SOAT2: variants seen among roughly 807,000 people sequenced by gnomAD.
SOAT2 encodes ACAT-2.
Under a neutral mutation model 76.0 loss-of-function variants are expected in SOAT2, and 87 were observed. The observed-to-expected ratio is 1.14, with a 90% confidence interval of 0.96 to 1.37. The LOEUF (loss-of-function observed/expected upper bound fraction) is 1.37, where lower values mean the gene tolerates loss of function less well. Among genes scored for constraint, SOAT2 ranks in the 40% most tolerant of loss-of-function variants. SOAT2 has a pLI of 0.00. For synonymous variants in SOAT2, 285 were observed against 275.4 expected, an observed-to-expected ratio of 1.03 and a Z score of -0.34; for missense variants, 686 against 682.1, an observed-to-expected ratio of 1.01 and a Z score of -0.06.
At chr12:53,110,386 C>A (rs1937994636) in intron 5 of SOAT2, among the ~76,000 whole-genome samples, 1 of 152,160 alleles carries the variant, frequency 6.6e-6, no homozygotes. Flanking sequence ...GTAAAGCAGG[C>A]AAGTTGTACA....
Position 53,103,636 on chromosome 12 carries a change from G to T in SOAT2, c.59G>T (p.Arg20Leu). Residue 20 changes from arginine (R) to leucine (L), a missense_variant, in exon 1 of 15, where the codon CGG becomes CTG. Arg to Leu is a moderately radical substitution (Grantham distance 102, BLOSUM62 -2). Transcript: ENST00000301466. ...AGGACAGAAGGGCTGGGAGGGGAGC[G>T]GGAGCGCCAACCCTGTGGAGATGGT... ...LQRTEGLGGE[R>L]ERQPCGDGNT... is the part of the protein sequence containing the mutation. 2 of 1,541,976 alleles carry T rather than the reference G, an allele frequency of 1.3e-6. No individual in the cohort carries two copies. Among genetic ancestry groups the T allele is most frequent in the Non-Finnish European group, 8.7e-7 (1 of 1,144,892 alleles).
chr12:53,104,308 T>G, intron 2 of SOAT2, 102 bp downstream of exon 2: 1 of 842,348 alleles, frequency 1.2e-6, no homozygotes, highest in South Asian at 1.5e-5. Context: ...TTTTTTTTTT[T>G]TGAAACAAAG....
chr12:53,113,947 C>T (rs1403453303), intron 5 of SOAT2, among the ~76,000 whole-genome samples: 1 of 151,996 alleles, frequency 6.6e-6, no homozygotes, highest in Non-Finnish European at 1.5e-5. Flanking sequence ...TTTGTGGAGG[C>T]CTGGGGAGTT....
chr12:53,113,320 A>G (rs1240919575), intron 5 of SOAT2, among the ~76,000 whole-genome samples: 2 of 152,120 alleles, frequency 1.3e-5, no homozygotes, highest in Non-Finnish European at 2.9e-5. Flanking sequence ...CCGGCATATG[A>G]TCTGTTTAAC....
At chr12:53,106,276 ATGTG>A (rs34794952) in intron 5 of SOAT2, among the ~76,000 whole-genome samples, 28,336 of 152,080 alleles carry the variant, frequency 0.19, 3,347 homozygotes, top group African/African-American at 0.34. Context: ...CCTGAGGCAG[ATGTG>A]TGTGTGTGTG....
At chr12:53,105,071 A>G in intron 2 of SOAT2, 36 bp from the exon 3 acceptor site, 1 of 1,540,156 alleles carries the variant, frequency 6.5e-7, no homozygotes, top group Non-Finnish European at 8.8e-7. Flanking sequence ...GGCTGACTGG[A>G]GGGACAGTGG....
In SOAT2 at chr12:53,104,176, G is replaced by A. The variant is rs377297796; in HGVS notation, c.108G>A (p.Pro36=). ...GAAACACTGAGACGCACAGAGCCCC[G>A]GACTTGGTACAATGGACCCGACACA... ...GDGNTETHRA[P]DLVQWTRHME... The change falls in exon 2 of 15, where the codon CCG becomes CCA. Residue 36 remains proline, a synonymous_variant. Coordinates refer to ENST00000301466, the MANE Select transcript of SOAT2 (RefSeq NM_003578.4). 3.1e-5 allele frequency: 50 copies of A among 1,613,444 alleles called. No homozygotes were observed. Among genetic ancestry groups the A allele is most frequent in the Middle Eastern group, 1.6e-4 (1 of 6,082 alleles).
chr12:53,104,525 C>T (rs1314551573), intron 2 of SOAT2, among the ~76,000 whole-genome samples: 6 of 151,968 alleles, frequency 3.9e-5, no homozygotes, highest in East Asian at 1.9e-4. Flanking sequence ...CTACCCGCCT[C>T]GGCCTCCCAA....
At chr12:53,105,491 T>G in intron 3 of SOAT2, 70 bp from the exon 4 acceptor site, 20 of 1,467,670 alleles carry the variant, frequency 1.4e-5, no homozygotes, top group Non-Finnish European at 1.9e-5. Context: ...TCCCAAGTAT[T>G]GACCTTCTGC....
chr12:53,103,536 A>C lies in SOAT2; in HGVS notation c.-42A>C. 1.3e-6 allele frequency: 2 copies of C among 1,526,948 alleles called. No homozygotes were observed. Among genetic ancestry groups the C allele is most frequent in the Non-Finnish European group, 1.8e-6 (2 of 1,133,232 alleles). The allele number at this position is 1,526,948 out of a possible 1,614,324, so 94.6% of individuals were successfully genotyped here. A position where few individuals can be genotyped will look rare whatever the true frequency, so the allele number is the denominator to read the frequency against. On this transcript the variant is annotated 5_prime_UTR_variant, in exon 1 of 15. Coordinates refer to ENST00000301466, the MANE Select transcript of SOAT2 (RefSeq NM_003578.4). The stretch of plus-strand genomic sequence containing the variant: ...AGGCCACACTGCGAAGGAAGGAGGC[A>C]ACACGGGCAAGGGCTGCCTGCTGCC...
In SOAT2 at chr12:53,120,794, A is replaced by T; in HGVS notation, c.1048A>T (p.Met350Leu). The T allele has an allele frequency of 6.2e-7, 1 of 1,613,834 alleles. No individual in the cohort carries two copies. Among genetic ancestry groups the T allele is most frequent in the Non-Finnish European group, 8.5e-7 (1 of 1,179,776 alleles). ...TTGTCCCCAACCACCAGGCATCTTC[A>T]TGCTGCTGCTCATCTTCTTTGCCTT... ...ILHATLPGIF[M>L]LLLIFFAFLH... Residue 350 changes from methionine to leucine, a missense_variant, in exon 11 of 15, where the codon ATG becomes TTG. Transcript: ENST00000301466.
chr12:53,122,123 G>T (rs188400844), intron 12 of SOAT2, among the ~76,000 whole-genome samples: 1 of 150,522 alleles, frequency 6.6e-6, no homozygotes. Context: ...TCTTAAATAA[G>T]ATTGATGTCA....
intron 7 of SOAT2, among the ~76,000 whole-genome samples, chr12:53,116,935 C>T (rs913387208): frequency 4.7e-5 from 7 of 149,828 alleles, no homozygotes; most frequent in African/African-American, 1.2e-4. Context: ...ACCATTTCAA[C>T]GTTATTAATT....
At position 53,104,201 on chromosome 12, in the gene SOAT2, A is replaced by C. The variant is rs1324556345; in HGVS notation, c.133A>C (p.Met45Leu). ...APDLVQWTRHMEAVKAQLLEQ... is the reference protein window; with the variant it reads ...APDLVQWTRHLEAVKAQLLEQ... ...GGACTTGGTACAATGGACCCGACACATGGAGGTGAGGGATGTCAGAGGTCA... is the reference window on the plus strand; with the variant it reads ...GGACTTGGTACAATGGACCCGACACCTGGAGGTGAGGGATGTCAGAGGTCA... Residue 45 changes from methionine (M) to leucine (L), a missense_variant, in exon 2 of 15, where the codon ATG becomes CTG. By Grantham distance (15) the Met-to-Leu change is conservative. Coordinates refer to ENST00000301466, the MANE Select transcript of SOAT2 (RefSeq NM_003578.4). 1 of 1,608,856 alleles carries C rather than the reference A, an allele frequency of 6.2e-7. No homozygotes were observed. The highest frequency in any genetic ancestry group is 8.5e-7 in the Non-Finnish European group (1 of 1,176,576).
At chr12:53,110,906 T>C (rs1457152499) in intron 5 of SOAT2, among the ~76,000 whole-genome samples, 1 of 152,154 alleles carries the variant, frequency 6.6e-6, no homozygotes, top group Non-Finnish European at 1.5e-5. Flanking sequence ...GTTTTATATA[T>C]AACCTTTAAG....
intron 5 of SOAT2, among the ~76,000 whole-genome samples, chr12:53,106,729 T>C (rs1265581777): frequency 1.3e-5 from 2 of 152,238 alleles, no homozygotes; most frequent in Non-Finnish European, 2.9e-5. Flanking sequence ...CCAGAGCATA[T>C]ATACCTTCTA....
At position 53,120,878 on chromosome 12, in the gene SOAT2, T is replaced by C; in HGVS notation, c.1132T>C (p.Tyr378His). 1 of 1,613,546 alleles carries C rather than the reference T, an allele frequency of 6.2e-7. No homozygotes were observed. Among genetic ancestry groups the C allele is most frequent in the Non-Finnish European group, 8.5e-7 (1 of 1,179,520 alleles). The change falls in exon 11 of 15, where the codon TAC becomes CAC. Residue 378 changes from tyrosine (Y) to histidine (H), a missense_variant. Transcript: ENST00000301466. ...GCTACGATTTGGAGACAGGATGTTCTACCGGGTGGGGCCTGGACCTAGGCC... is the reference window on the plus strand; with the variant it reads ...GCTACGATTTGGAGACAGGATGTTCCACCGGGTGGGGCCTGGACCTAGGCC... ...EMLRFGDRMF[Y>H]RDWWNSTSFS...
Position 53,120,899 on chromosome 12 carries a change from A to G in SOAT2, c.1137+16A>G. The G allele has an allele frequency of 1.2e-6, 2 of 1,600,196 alleles. No homozygotes were observed. The highest frequency in any genetic ancestry group is 1.7e-6 in the Non-Finnish European group (2 of 1,167,412). On this transcript the variant is annotated intron_variant, in intron 11 of 14. Transcript: ENST00000301466. ...GTTCTACCGGGTGGGGCCTGGACCT[A>G]GGCCAGTTGGAAGCTGGAGATAGGG...
At chr12:53,121,002 A>G in intron 11 of SOAT2, 119 bp downstream of exon 11, 1 of 789,628 alleles carries the variant, frequency 1.3e-6, no homozygotes, top group Non-Finnish European at 2.2e-6. Context: ...TCCCATAATA[A>G]GAAATGCAGT....
Sources: gnomAD v4.1 joint callset for allele counts (sites outside exome capture counted in the v4.1 genomes callset) on GRCh38, gnomAD v4.1.1 for gene constraint, MANE v1.5 for transcripts, NCBI Gene and HGNC (gene_info 2026-07-23, HGNC 2026-07-21) for gene names.